Variants in NMNAT2 observed in about 807,000 individuals in gnomAD.
NMNAT2 encodes nicotinamide/nicotinic acid mononucleotide adenylyltransferase 2.
Under a neutral mutation model 41.6 loss-of-function variants are expected in NMNAT2, and 11 were observed. That is an observed-to-expected ratio of 0.26 (90% CI 0.17 to 0.44). NMNAT2 has a LOEUF of 0.44. Among genes scored for constraint, NMNAT2 ranks in the 20% least tolerant of loss-of-function variants. The probability of loss-of-function intolerance (pLI) is 1.00; values close to 1 mark genes in which losing one functional copy is unlikely to be tolerated. For synonymous variants in NMNAT2, 148 were observed against 151.2 expected, an observed-to-expected ratio of 0.98 and a Z score of 0.16; for missense variants, 288 against 407.7, an observed-to-expected ratio of 0.71 and a Z score of 2.53.
intron 1 of NMNAT2, among the ~76,000 whole-genome samples, chr1:183,404,246 A>G (rs1257238888): frequency 1.3e-5 from 2 of 151,956 alleles, no homozygotes; most frequent in Non-Finnish European, 2.9e-5. Context: ...CCACAGGTGC[A>G]CACTCGGCTA....
chr1:183,384,359 C>T (rs1663866149), intron 1 of NMNAT2, among the ~76,000 whole-genome samples: 4 of 152,066 alleles, frequency 2.6e-5, no homozygotes, highest in Admixed American at 2.6e-4. Flanking sequence ...ATCACCATGC[C>T]CAGCTAATTT....
At chr1:183,391,435 C>T (rs549575866) in intron 1 of NMNAT2, among the ~76,000 whole-genome samples, 8 of 152,244 alleles carry the variant, frequency 5.3e-5, no homozygotes, top group South Asian at 2.1e-4. Context: ...GACATTCTTT[C>T]GAGATTTCTC....
At chr1:183,401,263 C>G (rs1479333451) in intron 1 of NMNAT2, among the ~76,000 whole-genome samples, 1 of 152,094 alleles carries the variant, frequency 6.6e-6, no homozygotes, top group African/African-American at 2.4e-5. Context: ...AGGATATGAA[C>G]AGACACTTCT....
At chr1:183,267,955 C>T (rs1660862805) in intron 8 of NMNAT2, among the ~76,000 whole-genome samples, 1 of 152,156 alleles carries the variant, frequency 6.6e-6, no homozygotes, top group Admixed American at 6.5e-5. Flanking sequence ...ATATGTCGAG[C>T]CTCAGAGGTG....
chr1:183,369,803 C>G (rs1230817439), intron 1 of NMNAT2, among the ~76,000 whole-genome samples: 1 of 152,060 alleles, frequency 6.6e-6, no homozygotes, highest in Non-Finnish European at 1.5e-5. Context: ...TCCTCCTGGT[C>G]CCCGGCAACC....
rs147650671 is a variant in NMNAT2, at chr1:183,393,658, C to A, written c.85+24525G>T. Among the ~76,000 whole-genome samples, 193 of 152,216 alleles carry A rather than the reference C, an allele frequency of 1.3e-3. 1 individual carries two copies. Among genetic ancestry groups the A allele is most frequent in the African/African-American group, 4.6e-3 (189 of 41,530 alleles). ...GCAACCTCTGCCTCCCGGGTTCAAG[C>A]GATTCGCCTGCCTCAGCCTCCCGAG... On this transcript the variant is annotated intron_variant, in intron 1 of 10. Coordinates refer to ENST00000287713, the MANE Select transcript of NMNAT2 (RefSeq NM_015039.4).
chr1:183,260,252 A>C (rs1660624011), intron 10 of NMNAT2, among the ~76,000 whole-genome samples: 1 of 152,224 alleles, frequency 6.6e-6, no homozygotes. Context: ...ACTGGCTGAG[A>C]AGAGCCACTG....
chr1:183,402,211 A>G (rs1648831082), intron 1 of NMNAT2, among the ~76,000 whole-genome samples: 1 of 152,192 alleles, frequency 6.6e-6, no homozygotes, highest in Non-Finnish European at 1.5e-5. Flanking sequence ...ACCAGAGACC[A>G]GACCTCCTTT....
intron 1 of NMNAT2, among the ~76,000 whole-genome samples, chr1:183,311,215 A>C (rs561453881): frequency 6.6e-6 from 1 of 152,260 alleles, no homozygotes; most frequent in Non-Finnish European, 1.5e-5. Context: ...TGACAGAATT[A>C]ATGGTTTCTG....
At chr1:183,393,713 G>A (rs1410424494) in intron 1 of NMNAT2, among the ~76,000 whole-genome samples, 7 of 152,034 alleles carry the variant, frequency 4.6e-5, no homozygotes, top group African/African-American at 7.2e-5. Flanking sequence ...ACACCACCAC[G>A]CCCGGCTAAT....
chr1:183,373,619 CTTTT>C (rs35164473), intron 1 of NMNAT2, among the ~76,000 whole-genome samples: 2 of 140,418 alleles, frequency 1.4e-5, no homozygotes. Context: ...GAACTTTATT[CTTTT>C]TTTTTTTTTT....
intron 10 of NMNAT2, among the ~76,000 whole-genome samples, chr1:183,260,096 G>A (rs2102280009): frequency 6.6e-6 from 1 of 152,248 alleles, no homozygotes; most frequent in Admixed American, 6.5e-5. Flanking sequence ...AGTTTTATCT[G>A]GGCATGTGGC....
intron 1 of NMNAT2, among the ~76,000 whole-genome samples, chr1:183,400,827 T>C (rs1196314371): frequency 1.3e-5 from 2 of 152,216 alleles, no homozygotes; most frequent in Non-Finnish European, 2.9e-5. Context: ...GATTCCCTAT[T>C]TAATAAATGG....
intron 5 of NMNAT2, among the ~76,000 whole-genome samples, chr1:183,286,340 C>T (rs1311766058): frequency 1.3e-5 from 2 of 152,210 alleles, no homozygotes; most frequent in South Asian, 2.1e-4. Flanking sequence ...CATCCACCCA[C>T]CTCAGCCTCC....
chr1:183,254,737 C>T (rs1337134610), intron 10 of NMNAT2, among the ~76,000 whole-genome samples: 1 of 152,154 alleles, frequency 6.6e-6, no homozygotes, highest in Non-Finnish European at 1.5e-5. Flanking sequence ...ACACTGTGCC[C>T]CTTTGCCCAG....
chr1:183,320,920 T>C (rs1233522170), intron 1 of NMNAT2, among the ~76,000 whole-genome samples: 2 of 152,244 alleles, frequency 1.3e-5, no homozygotes, highest in Non-Finnish European at 2.9e-5. Context: ...TCATCCCTTT[T>C]TATTTCTTTC....
chr1:183,301,383 T>C (rs1418930646), intron 1 of NMNAT2, among the ~76,000 whole-genome samples: 1 of 152,258 alleles, frequency 6.6e-6, no homozygotes, highest in Non-Finnish European at 1.5e-5. Flanking sequence ...ACAAGGGCAT[T>C]TCTGCACATT....
At chr1:183,280,005 G>T (rs538234764) in intron 7 of NMNAT2, among the ~76,000 whole-genome samples, 1 of 152,302 alleles carries the variant, frequency 6.6e-6, no homozygotes, top group African/African-American at 2.4e-5. Flanking sequence ...GCTGCCTTCC[G>T]GGCAATCTGG....
intron 10 of NMNAT2, among the ~76,000 whole-genome samples, chr1:183,257,300 G>T (rs182664319): frequency 6.6e-6 from 1 of 152,000 alleles, no homozygotes; most frequent in Non-Finnish European, 1.5e-5. Context: ...AATTAGCTGG[G>T]TGTGGTGGCA....
Sources: allele counts gnomAD v4.1 joint callset (sites outside exome capture counted in the v4.1 genomes callset), GRCh38; gene constraint gnomAD v4.1.1; transcripts MANE v1.5; gene names NCBI Gene and HGNC (gene_info 2026-07-23, HGNC 2026-07-21).